Variants in MYH3 observed in about 807,000 individuals in gnomAD.
MYH3 encodes the protein myosin-3.
Under a neutral mutation model 238.0 loss-of-function variants are expected in MYH3, and 130 were observed. That is an observed-to-expected ratio of 0.55 (90% CI 0.47 to 0.63). MYH3 has a LOEUF of 0.63. MYH3 is among the 30% of genes least tolerant of loss of function. The pLI, the probability that MYH3 is intolerant of heterozygous loss-of-function variation, is 0.00. For missense variants in MYH3, 1,853 were observed against 2,374.9 expected (o/e 0.78, Z 4.57); for synonymous variants, 880 against 924.1 (o/e 0.95, Z 0.86).
intron 2 of MYH3, 96 bp from the exon 3 acceptor site, chr17:10,655,168 C>T: frequency 1.0e-6 from 1 of 975,712 alleles, no homozygotes; most frequent in East Asian, 2.4e-5. Flanking sequence ...CCTCCTTCAG[C>T]CGCAGGAGCC....
chr17:10,640,295 C>G, intron 21 of MYH3, 38 bp downstream of exon 21: 1 of 1,614,220 alleles, frequency 6.2e-7, no homozygotes, highest in Non-Finnish European at 8.5e-7. Context: ...ACTCCCCTTC[C>G]CCAAAGAGCT....
chr17:10,659,590 T>G (rs2074465997), upstream of MYH3, among the ~76,000 whole-genome samples: 1 of 152,234 alleles, frequency 6.6e-6, no homozygotes, highest in Non-Finnish European at 1.5e-5. Context: ...GCCTGGTCCC[T>G]GCCTTCAAAG....
At position 10,641,166 on chromosome 17, in the gene MYH3, C is replaced by T. The variant is rs943488185; in HGVS notation, c.2084G>A (p.Arg695Gln). ...GATGCCCTCCAGGACACCGTTACAC[C>T]GCAGCTGGTGCAGAACAAGGCTGTG... ...MEHSLVLHQL[R>Q]CNGVLEGIRI... The change falls in exon 19 of 41, where the codon CGG becomes CAG. Residue 695 changes from arginine to glutamine, a missense_variant. Arg to Gln is a conservative substitution (Grantham distance 43, BLOSUM62 1). Transcript: ENST00000583535. 5.0e-6 allele frequency: 8 copies of T among 1,613,920 alleles called. No individual in the cohort carries two copies. Among genetic ancestry groups the T allele is most frequent in the South Asian group, 2.2e-5 (2 of 91,082 alleles).
At chr17:10,657,342 GC>G (rs1376395284), upstream of MYH3, 1 of 152,220 alleles carries the variant, frequency 6.6e-6, no homozygotes, top group African/African-American at 2.4e-5. Context: ...GCTTTTATAG[GC>G]CATTGGTAAC....
At position 10,631,722 on chromosome 17, in the gene MYH3, G is replaced by A; in HGVS notation, c.5175C>T (p.Ile1725=). The A allele has an allele frequency of 6.2e-7, 1 of 1,614,160 alleles. No homozygotes were observed. ...CTGTCTCCAGCTTCTTCTTGGTGTG[G>A]ATGAGGCTGGTGTTCTAGGGCAAGA... The part of the protein sequence containing the change: ...QLLHTQNTSL[I]HTKKKLETDL... Residue 1725 remains isoleucine, a synonymous_variant, in exon 36 of 41, where the codon ATC becomes ATT. Coordinates refer to ENST00000583535, the MANE Select transcript of MYH3 (RefSeq NM_002470.4).
Position 10,642,208 on chromosome 17 carries a change from A to G in MYH3, c.1959+32T>C, listed in dbSNP as rs1231878016. On this transcript the variant is annotated intron_variant, in intron 17 of 40. Coordinates refer to ENST00000583535, the MANE Select transcript of MYH3 (RefSeq NM_002470.4). This position sits in a 1 kb window ranked among gnomAD's most constrained non-coding sequence, Gnocchi z 5.4. Reference sequence around the variant, plus strand: ...GCTCATTTAGATGTCACTTAAATCAATTATAAGCAAATAAACTTGTATTTT... The same window carrying G: ...GCTCATTTAGATGTCACTTAAATCAGTTATAAGCAAATAAACTTGTATTTT... The G allele has an allele frequency of 6.3e-7, 1 of 1,587,074 alleles. No homozygotes were observed. Among genetic ancestry groups the G allele is most frequent in the African/African-American group, 1.3e-5 (1 of 74,370 alleles).
chr17:10,633,180 A>G (rs544196656), intron 33 of MYH3, among the ~76,000 whole-genome samples: 9 of 152,294 alleles, frequency 5.9e-5, no homozygotes, highest in African/African-American at 2.2e-4. Context: ...AGCATGGGCA[A>G]CAAGAGCAAA....
Position 10,629,698 on chromosome 17 carries a change from T to C in MYH3, c.5695A>G (p.Lys1899Glu), listed in dbSNP as rs765090438. The change falls in exon 40 of 41, where the codon AAG (lysine) becomes GAG (glutamate). Residue 1899 changes from lysine (K) to glutamate (E), a missense_variant. Physicochemically the swap from Lys to Glu is moderately conservative, Grantham distance 56 (BLOSUM62 1). Around this residue, in one of 3 missense-constraint regions of MYH3, gnomAD observed 1,044 missense variants for 1,192.6 expected, o/e 0.88. Coordinates refer to ENST00000583535, the MANE Select transcript of MYH3 (RefSeq NM_002470.4). ...QANAHLTKFRKAQHELEEAEE... is the reference protein window; with the variant it reads ...QANAHLTKFREAQHELEEAEE... ...GCCTCCTCCAGCTCATGCTGAGCCTTTCGGAATTTGGTGAGATGAGCATTG... is the reference window on the plus strand; with the variant it reads ...GCCTCCTCCAGCTCATGCTGAGCCTCTCGGAATTTGGTGAGATGAGCATTG... The C allele has an allele frequency of 1.2e-6, 2 of 1,614,070 alleles. No homozygotes were observed. The highest frequency in any genetic ancestry group is 1.7e-6 in the Non-Finnish European group (2 of 1,180,050).
In MYH3 at chr17:10,629,678, C is replaced by T. The variant is rs760737851; in HGVS notation, c.5715G>A (p.Glu1905=). ...TKFRKAQHEL[E]EAEERADIAE... ...CGATATCCGCACGTTCCTCGGCCTC[C>T]TCCAGCTCATGCTGAGCCTTTCGGA... Residue 1905 remains glutamate (E), a synonymous_variant, in exon 40 of 41, where the codon GAG becomes GAA. Transcript: ENST00000583535. 1.9e-6 allele frequency: 3 copies of T among 1,614,224 alleles called. No homozygotes were observed. The highest frequency in any genetic ancestry group is 2.5e-6 in the Non-Finnish European group (3 of 1,180,050).
At chr17:10,633,864 A>G in intron 32 of MYH3, 149 bp from the exon 33 acceptor site, 1 of 1,474,940 alleles carries the variant, frequency 6.8e-7, no homozygotes, top group East Asian at 2.3e-5. Context: ...GAGAGAGGCT[A>G]AAACGTAACC....
intron 38 of MYH3, 39 bp downstream of exon 38, chr17:10,630,053 T>C: frequency 1.9e-6 from 3 of 1,608,314 alleles, no homozygotes; most frequent in Non-Finnish European, 2.6e-6. Context: ...AATCTGCACG[T>C]CACAGAGGAC....
At chr17:10,668,337 G>A in the MYH3 span, among the ~76,000 whole-genome samples, 8 of 151,944 alleles carry the variant, frequency 5.3e-5, no homozygotes, top group Non-Finnish European at 1.0e-4. Flanking sequence ...AGAAGTTGTA[G>A]TGGGCCGAGA....
Position 10,635,488 on chromosome 17 carries a change from C to G in MYH3, c.4051G>C (p.Glu1351Gln). 1.9e-6 allele frequency: 3 copies of G among 1,614,226 alleles called. No homozygotes were observed. Among genetic ancestry groups the G allele is most frequent in the Non-Finnish European group, 2.5e-6 (3 of 1,180,028 alleles). ...TGCAGCTCAGCTTTGCCTTCCTGCTCCTCCTCATACTGTTCCCGCAGCAGG... is the reference window on the plus strand; with the variant it reads ...TGCAGCTCAGCTTTGCCTTCCTGCTGCTCCTCATACTGTTCCCGCAGCAGG... ...CDLLREQYEE[E>Q]QEGKAELQRA... The change falls in exon 30 of 41, where the codon GAG becomes CAG. Residue 1351 changes from glutamate to glutamine, a missense_variant. Transcript: ENST00000583535.
intron 36 of MYH3, among the ~76,000 whole-genome samples, chr17:10,631,183 A>G (rs1202532597): frequency 6.6e-6 from 1 of 152,256 alleles, no homozygotes; most frequent in Non-Finnish European, 1.5e-5. Flanking sequence ...CCTCTGGAGA[A>G]TTAAGGCTGT....
rs756941684 is a variant in MYH3 at position 10,642,775 on chromosome 17, T to C, written c.1581+51A>G. The stretch of plus-strand genomic sequence containing the variant: ...GAGAGGTAAATATGAGCTGCAGTAA[T>C]GAGCAGAAGAGTCTATGAGAAGAGC... On this transcript the variant is annotated intron_variant, in intron 15 of 40. Transcript: ENST00000583535. This position sits in a 1 kb window ranked among gnomAD's most constrained non-coding sequence, Gnocchi z 5.4. The C allele has an allele frequency of 3.7e-6, 6 of 1,614,136 alleles. No homozygotes were observed. Among genetic ancestry groups the C allele is most frequent in the Non-Finnish European group, 4.2e-6 (5 of 1,180,026 alleles).
rs11078854 is a variant in MYH3, at chr17:10,636,183, T to C, written c.3857-330A>G. Reference sequence around the variant, plus strand: ...ACTAAAAACAAAAATTAGCCGGGCGTGGTCATGGGCACCTGTAGTCCCAGC... The same window carrying C: ...ACTAAAAACAAAAATTAGCCGGGCGCGGTCATGGGCACCTGTAGTCCCAGC... On this transcript the variant is annotated intron_variant, in intron 28 of 40. Transcript: ENST00000583535. Among the ~76,000 whole-genome samples the C allele has an allele frequency of 0.58, 86,975 of 149,856 alleles. 27,853 individuals are homozygous for C. Among genetic ancestry groups the C allele is most frequent in the Non-Finnish European group, 0.73 (49,756 of 67,752 alleles).
At position 10,635,044 on chromosome 17, in the gene MYH3, A is replaced by G. The variant is rs774871952; in HGVS notation, c.4173-21T>C. The G allele has an allele frequency of 6.2e-6, 10 of 1,610,788 alleles. No individual in the cohort carries two copies. In the Admixed American group the frequency reaches 1.7e-4, roughly 27 times the overall value. On this transcript the variant is annotated intron_variant, in intron 30 of 40. Transcript: ENST00000583535. ...TTTTCCTTAAAGAATATGAAAGAGA[A>G]GCAGCTGTTATTTCAGTTTCCATCC... is the stretch of plus-strand genomic sequence containing the variant.
Position 10,631,678 on chromosome 17 carries a change from C to T in MYH3, c.5219G>A (p.Ser1740Asn), listed in dbSNP as rs1211077383. The T allele has an allele frequency of 1.2e-6, 2 of 1,614,058 alleles. No homozygotes were observed. The highest frequency in any genetic ancestry group is 1.7e-6 in the Non-Finnish European group (2 of 1,180,036). The stretch of plus-strand genomic sequence containing the variant: ...ATCCCTGCTGGCATCTTCTACCTCA[C>T]TCTGGAGCTGCATGAGGTCTGTCTC... The part of the protein sequence containing the change: ...KLETDLMQLQ[S>N]EVEDASRDAR... Residue 1740 changes from serine (S) to asparagine (N), a missense_variant, in exon 36 of 41, where the codon AGT becomes AAT. By Grantham distance (46) the Ser-to-Asn change is conservative (BLOSUM62 1). This residue lies in a region of MYH3 where 1,044 missense variants were observed against 1,192.6 expected (regional missense o/e 0.88). Coordinates refer to ENST00000583535, the MANE Select transcript of MYH3 (RefSeq NM_002470.4).
chr17:10,640,717 C>G (rs1228211951), intron 19 of MYH3, 31 bp from the exon 20 acceptor site: 1 of 1,611,414 alleles, frequency 6.2e-7, no homozygotes, highest in Non-Finnish European at 8.5e-7. Context: ...TCATCACAGA[C>G]TGTTGGCAAA....
Sources: allele counts gnomAD v4.1 joint callset (sites outside exome capture counted in the v4.1 genomes callset), GRCh38; gene constraint gnomAD v4.1.1; regional missense constraint gnomAD v4.1.1; non-coding constraint Gnocchi (gnomAD v3.1); transcripts MANE v1.5; gene names NCBI Gene and HGNC (gene_info 2026-07-23, HGNC 2026-07-21).